The following RADIL variants were observed in gnomAD, a reference collection of about 807,000 sequenced individuals.
RADIL encodes the protein ras-associating and dilute domain-containing protein.
In RADIL, 99 loss-of-function variants were observed where a neutral mutation model predicts 97.6. The observed-to-expected ratio is 1.01, with a 90% confidence interval of 0.86 to 1.20. RADIL has a LOEUF of 1.20. Ranked by LOEUF, RADIL falls within the 50% of genes most tolerant of loss-of-function variation. The pLI, the probability that RADIL is intolerant of heterozygous loss-of-function variation, is 0.00. For synonymous variants in RADIL, 803 were observed against 691.8 expected (o/e 1.16, Z -2.52); for missense variants, 1,765 against 1,498.9 (o/e 1.18, Z -2.93).
At chr7:4,826,582 A>C (rs1355801015) in intron 5 of RADIL, among the ~76,000 whole-genome samples, 3 of 151,732 alleles carry the variant, frequency 2.0e-5, no homozygotes. Context: ...AAAATACAAA[A>C]ATTAGCCGGG....
intron 2 of RADIL, among the ~76,000 whole-genome samples, chr7:4,863,126 G>T (rs979370774): frequency 6.6e-6 from 1 of 151,840 alleles, no homozygotes; most frequent in African/African-American, 2.4e-5. Flanking sequence ...TGTCTTTCTG[G>T]GTGATGCCAG....
chr7:4,802,777 G>T (rs1410881962), intron 11 of RADIL, among the ~76,000 whole-genome samples: 1 of 106,754 alleles, frequency 9.4e-6, no homozygotes, highest in Non-Finnish European at 1.9e-5. Context: ...GCTGGCTGGG[G>T]GGCCCCCTCC....
intron 5 of RADIL, among the ~76,000 whole-genome samples, chr7:4,823,194 G>A (rs925565295): frequency 6.6e-6 from 1 of 151,978 alleles, no homozygotes; most frequent in Non-Finnish European, 1.5e-5. Context: ...GGTGGCTCAC[G>A]CCTGTAATCT....
chr7:4,816,429 G>A lies in RADIL; in HGVS notation c.1765C>T (p.Pro589Ser), dbSNP rs1393608640. Residue 589 changes from proline to serine, a missense_variant, in exon 8 of 15, where the codon CCG becomes TCG. Pro to Ser is a moderately conservative substitution (Grantham distance 74). Transcript: ENST00000399583. ...TCACGGCGCTCCGTCTGGAATGGCG[G>A]GCACTCCAGGAGTGCCGGGAGGCAG... Reference protein sequence around the residue: ...YICLPALLECPPFQTERRESW... With the variant: ...YICLPALLECSPFQTERRESW... 1.2e-6 allele frequency: 2 copies of A among 1,607,786 alleles called. No homozygotes were observed. The highest frequency in any genetic ancestry group is 1.7e-6 in the Non-Finnish European group (2 of 1,178,374).
intron 9 of RADIL, chr7:4,809,227 C>T (rs1782462960): frequency 3.0e-6 from 3 of 985,332 alleles, no homozygotes; most frequent in Non-Finnish European, 3.6e-6. Context: ...GCCCATCTCC[C>T]GCAGGGGCGC....
chr7:4,825,621 A>C (rs1054196258), intron 5 of RADIL, among the ~76,000 whole-genome samples: 1 of 152,210 alleles, frequency 6.6e-6, no homozygotes, highest in Non-Finnish European at 1.5e-5. Flanking sequence ...TCACGCCTGT[A>C]ATCCCAGCAC....
At chr7:4,803,259 TGGG>T (rs1187217967) in intron 11 of RADIL, among the ~76,000 whole-genome samples, 15 of 98,722 alleles carry the variant, frequency 1.5e-4, no homozygotes, top group Non-Finnish European at 2.5e-4. Flanking sequence ...GCACGCTGGC[TGGG>T]GGGCCCCCTC....
Position 4,835,146 on chromosome 7 carries a change from T to C in RADIL, c.877A>G (p.Ile293Val), listed in dbSNP as rs1387809051. 1 of 1,610,616 alleles carries C rather than the reference T, an allele frequency of 6.2e-7. No homozygotes were observed. The highest frequency in any genetic ancestry group is 1.1e-5 in the South Asian group (1 of 90,722). ...KPSISLSAPD[I>V]LPLHCTIRRQ... ...CGGATGGTGCAGTGTAGAGGCAGGATGTCGGGGGCTGAGAGGCTGATGCTG... is the reference window on the plus strand; with the variant it reads ...CGGATGGTGCAGTGTAGAGGCAGGACGTCGGGGGCTGAGAGGCTGATGCTG... The change falls in exon 4 of 15, where the codon ATC (isoleucine) becomes GTC (valine). Residue 293 changes from isoleucine to valine, a missense_variant. Ile to Val is a conservative substitution (Grantham distance 29). Coordinates refer to ENST00000399583, the MANE Select transcript of RADIL (RefSeq NM_018059.5). The surrounding 1 kb of genome is among the most constrained non-coding windows in gnomAD (Gnocchi z 5.8).
rs1235368795 is a variant in RADIL at position 4,801,832 on chromosome 7, C to T, written c.2663G>A (p.Gly888Glu). Residue 888 changes from glycine (G) to glutamate (E), a missense_variant, in exon 12 of 15, where the codon GGG becomes GAG. Transcript: ENST00000399583. ...QAPPGRQPSR[G>E]GSQAGPPHTD... is the part of the protein sequence containing the mutation. ...GTGCGGGGGGCCAGCCTGGGAGCCC[C>T]CACGGCTGGGTTGCCTTCCAGGGGG... The T allele has an allele frequency of 6.2e-7, 1 of 1,604,704 alleles. No homozygotes were observed. Among genetic ancestry groups the T allele is most frequent in the Non-Finnish European group, 8.5e-7 (1 of 1,176,430 alleles).
chr7:4,834,568 C>T lies in RADIL; in HGVS notation c.1416+39G>A, dbSNP rs1783240471. 1.5e-6 allele frequency: 2 copies of T among 1,306,588 alleles called. No individual in the cohort carries two copies. The highest frequency in any genetic ancestry group is 5.7e-5 in the East Asian group (2 of 35,100). The allele number at this position is 1,306,588 out of a possible 1,614,324, so 80.9% of individuals were successfully genotyped here. On this transcript the variant is annotated intron_variant, in intron 4 of 14. Transcript: ENST00000399583. The surrounding 1 kb of genome is among the most constrained non-coding windows in gnomAD (Gnocchi z 6.0). ...GCTCCGGGCCCCCTCTTCCCCCAGA[C>T]CGGCACAGGACCCAGACCGCCCACC...
In RADIL at chr7:4,801,727, C is replaced by G; in HGVS notation, c.2768G>C (p.Gly923Ala). The change falls in exon 12 of 15, where the codon GGC becomes GCC. Residue 923 changes from glycine to alanine, a missense_variant. Physicochemically the swap from Gly to Ala is moderately conservative, Grantham distance 60. Transcript: ENST00000399583. ...EPGDPDWPESGGPCGKALPER... is the reference protein window; with the variant it reads ...EPGDPDWPESAGPCGKALPER... ...TGGGAGCGCTTTTCCACAGGGGCCG[C>G]CGGACTCTGGCCAGTCGGGGTCCCC... is the stretch of plus-strand genomic sequence containing the variant. The G allele has an allele frequency of 1.2e-6, 2 of 1,610,432 alleles. No individual in the cohort carries two copies. Among genetic ancestry groups the G allele is most frequent in the Non-Finnish European group, 1.7e-6 (2 of 1,179,108 alleles).
At chr7:4,864,764 G>T (rs1476078070) in intron 2 of RADIL, among the ~76,000 whole-genome samples, 2 of 152,112 alleles carry the variant, frequency 1.3e-5, no homozygotes, top group African/African-American at 4.8e-5. Flanking sequence ...CTTTCTACCT[G>T]TTCCCTTATA....
In RADIL at chr7:4,815,260, T is replaced by C; in HGVS notation, c.2139+18A>G. 1 of 1,523,490 alleles carries C rather than the reference T, an allele frequency of 6.6e-7. No individual in the cohort carries two copies. Among genetic ancestry groups the C allele is most frequent in the Non-Finnish European group, 8.8e-7 (1 of 1,130,676 alleles). The allele number at this position is 1,523,490 out of a possible 1,614,324, so 94.4% of individuals were successfully genotyped here. On this transcript the variant is annotated intron_variant, in intron 9 of 14. Coordinates refer to ENST00000399583, the MANE Select transcript of RADIL (RefSeq NM_018059.5). The surrounding 1 kb of genome is among the most constrained non-coding windows in gnomAD (Gnocchi z 8.0). ...CCCGCCCCTCCCCACACTCGCCGCC[T>C]CCCATGCGCACCCCTACCTGGATGA...
In RADIL at chr7:4,834,773, A is replaced by C. The variant is rs1187841584; in HGVS notation, c.1250T>G (p.Leu417Arg). 7 of 1,384,374 alleles carry C rather than the reference A, an allele frequency of 5.1e-6. No individual in the cohort carries two copies. The highest frequency in any genetic ancestry group is 6.6e-6 in the Non-Finnish European group (7 of 1,062,512). The allele number at this position is 1,384,374 out of a possible 1,614,324, so 85.8% of individuals were successfully genotyped here. A position where few individuals can be genotyped will look rare whatever the true frequency, so the allele number is the denominator to read the frequency against. The change falls in exon 4 of 15, where the codon CTG becomes CGG. Residue 417 changes from leucine to arginine, a missense_variant. By Grantham distance (102) the Leu-to-Arg change is moderately radical (BLOSUM62 -2). Coordinates refer to ENST00000399583, the MANE Select transcript of RADIL (RefSeq NM_018059.5). This position sits in a 1 kb window ranked among gnomAD's most constrained non-coding sequence, Gnocchi z 6.0. ...LEFEPHLEDTLLQRIMTLIEP... is the reference protein window; with the variant it reads ...LEFEPHLEDTRLQRIMTLIEP... ...GATCAACGTCATGATCCTCTGCAGC[A>C]GCGTGTCCTCCAGGTGGGGCTCAAA...
In RADIL at chr7:4,877,612, G is replaced by C. The variant is rs1481018055; in HGVS notation, c.528C>G (p.Ile176Met). 4 of 1,597,146 alleles carry C rather than the reference G, an allele frequency of 2.5e-6. No individual in the cohort carries two copies. In the African/African-American group the frequency reaches 4.0e-5, roughly 16 times the overall value. The change falls in exon 2 of 15, where the codon ATC becomes ATG. Residue 176 changes from isoleucine to methionine, a missense_variant. Physicochemically the swap from Ile to Met is conservative, Grantham distance 10. Coordinates refer to ENST00000399583, the MANE Select transcript of RADIL (RefSeq NM_018059.5). ...EELAAKEVDT[I>M]TAGINAQARR... is the part of the protein sequence containing the mutation. Reference sequence around the variant, plus strand: ...ACCTGTGGCCCCCCTCACCTGCCGTGATGGTGTCCACCTCCTTGGCTGCCA... The same window carrying C: ...ACCTGTGGCCCCCCTCACCTGCCGTCATGGTGTCCACCTCCTTGGCTGCCA...
At position 4,874,777 on chromosome 7, in the gene RADIL, G is replaced by A. The variant is rs533098680; in HGVS notation, c.535+2828C>T. Among the ~76,000 whole-genome samples, 5 of 152,342 alleles carry A rather than the reference G, an allele frequency of 3.3e-5. No individual in the cohort carries two copies. In the South Asian group the frequency reaches 8.3e-4, roughly 25 times the overall value. ...ATTCCAAAAGAAGTGCATGAGCTTG[G>A]CCGGGTGTGGTGGCTCACACCTGTC... On this transcript the variant is annotated intron_variant, in intron 2 of 14. Transcript: ENST00000399583.
At chr7:4,827,761 C>T (rs1484274443) in intron 5 of RADIL, among the ~76,000 whole-genome samples, 1 of 152,168 alleles carries the variant, frequency 6.6e-6, no homozygotes, top group African/African-American at 2.4e-5. Context: ...GGACTCTGGC[C>T]CGGATGTTCT....
rs1782774518 is a variant in RADIL at position 4,819,617 on chromosome 7, A to G, written c.1616-2266T>C. ...AGGCGGCGCGGGAGGGGCCTGGGTC[A>G]GAGCTTTGTACAAAACAGTGTTTGC... On this transcript the variant is annotated intron_variant, in intron 6 of 14. Transcript: ENST00000399583. This position sits in a 1 kb window ranked among gnomAD's most constrained non-coding sequence, Gnocchi z 5.8. Among the ~76,000 whole-genome samples, 1 of 152,216 alleles carries G rather than the reference A, an allele frequency of 6.6e-6. No individual in the cohort carries two copies. Among genetic ancestry groups the G allele is most frequent in the Admixed American group, 6.5e-5 (1 of 15,282 alleles).
rs922796653 is a variant in RADIL at position 4,801,798 on chromosome 7, C to T, written c.2697G>A (p.Ser899=). ...TGCTGGGAGGCGTGAGCAAGCAGGACGAGTCCGTGTGCGGGGGGCCAGCCT... is the reference window on the plus strand; with the variant it reads ...TGCTGGGAGGCGTGAGCAAGCAGGATGAGTCCGTGTGCGGGGGGCCAGCCT... ...GSQAGPPHTD[S]SCLLTPPSTP... Residue 899 remains serine (S), a synonymous_variant, in exon 12 of 15, where the codon TCG becomes TCA. Transcript: ENST00000399583. 8.7e-6 allele frequency: 14 copies of T among 1,609,396 alleles called. No homozygotes were observed. The highest frequency in any genetic ancestry group is 4.0e-5 in the African/African-American group (3 of 74,878).
Sources: allele counts gnomAD v4.1 joint callset (sites outside exome capture counted in the v4.1 genomes callset), GRCh38; gene constraint gnomAD v4.1.1; non-coding constraint Gnocchi (gnomAD v3.1); transcripts MANE v1.5; gene names NCBI Gene and HGNC (gene_info 2026-07-23, HGNC 2026-07-21).